The following TMEM250 variants were observed in gnomAD, a reference collection of about 807,000 sequenced individuals.
The protein encoded by TMEM250 is herpes virus UL25-binding protein.
Under a neutral mutation model 7.0 loss-of-function variants are expected in TMEM250, and 7 were observed. The observed-to-expected ratio is 1.00, with a 90% CI of 0.57 to 1.87. The LOEUF (loss-of-function observed/expected upper bound fraction) is 1.87. TMEM250 is among the 40% of genes most tolerant of loss of function. TMEM250 has a pLI of 0.00. For synonymous variants in TMEM250, 135 were observed against 96.7 expected, an observed-to-expected ratio of 1.40 and a Z score of -2.32; for missense variants, 196 against 202.5, an observed-to-expected ratio of 0.97 and a Z score of 0.19.
rs934309124 is a variant in TMEM250 at position 136,116,017 on chromosome 9, C to A, written c.*464G>T. 13 of 408,952 alleles carry A rather than the reference C, an allele frequency of 3.2e-5. No homozygotes were observed. In the Admixed American group the frequency reaches 5.0e-4, roughly 16 times the overall value. The allele number at this position is 408,952 out of a possible 1,614,324, so 25.3% of individuals were successfully genotyped here. On this transcript the variant is annotated 3_prime_UTR_variant, in exon 2 of 2. Transcript: ENST00000418388. The stretch of plus-strand genomic sequence containing the variant: ...TGGTGTGTCAGCGAGGGGAGCCTTC[C>A]GTGTCCCGTTGGCTGGGGCTGGGGC...
chr9:136,116,136 T>G lies in TMEM250; in HGVS notation c.*345A>C. ...CTCTGTGTCCAGGGGCCTCCCAGGG[T>G]GATGTCTAAAGTCCCTGGCAGCTGT... On this transcript the variant is annotated 3_prime_UTR_variant, in exon 2 of 2. Coordinates refer to ENST00000418388, the MANE Select transcript of TMEM250 (RefSeq NM_152833.3). 1 of 448,694 alleles carries G rather than the reference T, an allele frequency of 2.2e-6. No individual in the cohort carries two copies. The highest frequency in any genetic ancestry group is 3.9e-6 in the Non-Finnish European group (1 of 255,890). The allele number at this position is 448,694 out of a possible 1,614,324, so 27.8% of individuals were successfully genotyped here.
In TMEM250 at chr9:136,115,869, C is replaced by T. The variant is rs1830691081; in HGVS notation, c.*612G>A. 5.4e-6 allele frequency: 2 copies of T among 367,422 alleles called. No individual in the cohort carries two copies. The highest frequency in any genetic ancestry group is 2.9e-4 in the South Asian group (2 of 6,786). 22.8% of individuals were successfully genotyped at this position (367,422 alleles called of 1,614,324 possible). A position where few individuals can be genotyped will look rare whatever the true frequency, so the allele number is the denominator to read the frequency against. ...ACTGCATCTACACAATCCAAGGGGA[C>T]CCTGAAGGCTGGCTGGGGACTCAGG... On this transcript the variant is annotated 3_prime_UTR_variant, in exon 2 of 2. Coordinates refer to ENST00000418388, the MANE Select transcript of TMEM250 (RefSeq NM_152833.3).
At position 136,116,886 on chromosome 9, in the gene TMEM250, G is replaced by A. The variant is rs1393028947; in HGVS notation, c.15C>T (p.Pro5=). The A allele has an allele frequency of 1.3e-6, 2 of 1,564,784 alleles. No individual in the cohort carries two copies. The highest frequency in any genetic ancestry group is 1.7e-6 in the Non-Finnish European group (2 of 1,158,508). Residue 5 remains proline (P), a synonymous_variant, in exon 2 of 2, where the codon CCC becomes CCT. Coordinates refer to ENST00000418388, the MANE Select transcript of TMEM250 (RefSeq NM_152833.3). MPVM[P]IPRRVRSFHG... ...GGAAGGAGCGCACCCGCCGCGGAAT[G>A]GGCATGACCGGCATTGGGCCCCGGC...
In TMEM250 at chr9:136,116,294, G is replaced by T; in HGVS notation, c.*187C>A. The T allele has an allele frequency of 1.6e-6, 2 of 1,287,958 alleles. No individual in the cohort carries two copies. The highest frequency in any genetic ancestry group is 2.6e-5 in the East Asian group (1 of 38,870). The allele number at this position is 1,287,958 out of a possible 1,614,324, so 79.8% of individuals were successfully genotyped here. On this transcript the variant is annotated 3_prime_UTR_variant, in exon 2 of 2. Transcript: ENST00000418388. ...GTGCATACGGGGAGGGTGGGTCCAG[G>T]AAGCCAGCCTAGGGGTGGTGTCCGC...
intron 1 of TMEM250, 25 bp from the exon 2 acceptor site, chr9:136,117,049 CGTCA>C (rs1830722183): frequency 7.7e-7 from 1 of 1,297,928 alleles, no homozygotes. Flanking sequence ...GCAAAACCCA[CGTCA>C]GTATGAGGAC....
chr9:136,117,295 C>T (rs982748840), intron 1 of TMEM250, among the ~76,000 whole-genome samples: 3 of 152,206 alleles, frequency 2.0e-5, no homozygotes, highest in Admixed American at 1.3e-4. Flanking sequence ...AGGGGAGGCC[C>T]CCGGAAGTGG....
In TMEM250 at chr9:136,116,208, C is replaced by T. The variant is rs1830697385; in HGVS notation, c.*273G>A. The stretch of plus-strand genomic sequence containing the variant: ...GAGAGGCGGAACGGAGGGCCCACCC[C>T]GCAGTACGACCCGAAGACATGTGAG... On this transcript the variant is annotated 3_prime_UTR_variant, in exon 2 of 2. Transcript: ENST00000418388. 3 of 569,110 alleles carry T rather than the reference C, an allele frequency of 5.3e-6. No homozygotes were observed. The highest frequency in any genetic ancestry group is 3.0e-5 in the East Asian group (1 of 32,844). 35.3% of individuals were successfully genotyped at this position (569,110 alleles called of 1,614,324 possible). A position where few individuals can be genotyped will look rare whatever the true frequency, so the allele number is the denominator to read the frequency against.
Position 136,117,019 on chromosome 9 carries a change from G to A in TMEM250, c.-119C>T, listed in dbSNP as rs527743429. On this transcript the variant is annotated 5_prime_UTR_variant, in exon 2 of 2. The change creates a new upstream start codon in the 5' untranslated region. Transcript: ENST00000418388. ...CCCGCAGCTGACCCTGGGGGGAGGC[G>A]TCGGCCTGCGGGGAGAGCCGCAAAA... 11 of 1,346,040 alleles carry A rather than the reference G, an allele frequency of 8.2e-6. No individual in the cohort carries two copies. The Admixed American group carries it at 3.1e-4, about 38-fold the overall frequency. 83.4% of individuals were successfully genotyped at this position (1,346,040 alleles called of 1,614,324 possible).
rs750739917 is a variant in TMEM250, at chr9:136,116,876, G to A, written c.25C>T (p.Arg9Trp). Residue 9 changes from arginine to tryptophan, a missense_variant, in exon 2 of 2, where the codon CGG becomes TGG. Arg to Trp is a moderately radical substitution (Grantham distance 101). Coordinates refer to ENST00000418388, the MANE Select transcript of TMEM250 (RefSeq NM_152833.3). MPVMPIPR[R>W]VRSFHGPHTT... The stretch of plus-strand genomic sequence containing the variant: ...TGCGGGCCGTGGAAGGAGCGCACCC[G>A]CCGCGGAATGGGCATGACCGGCATT... 3 of 1,574,310 alleles carry A rather than the reference G, an allele frequency of 1.9e-6. No individual in the cohort carries two copies. In the Admixed American group the frequency reaches 5.6e-5, roughly 29 times the overall value.
Position 136,118,624 on chromosome 9 carries a change from G to C in TMEM250, c.-264C>G, listed in dbSNP as rs896607861. On this transcript the variant is annotated 5_prime_UTR_variant, in exon 1 of 2. Transcript: ENST00000418388. Reference sequence around the variant, plus strand: ...GCATGGTGCTGGGGCGCGCGGCTGGGGGCGCTGGCAAGGCGGCTGAGGGCG... The same window carrying C: ...GCATGGTGCTGGGGCGCGCGGCTGGCGGCGCTGGCAAGGCGGCTGAGGGCG... The C allele has an allele frequency of 1.3e-5, 2 of 151,852 alleles. No individual in the cohort carries two copies. Among genetic ancestry groups the C allele is most frequent in the African/African-American group, 4.9e-5 (2 of 41,078 alleles). The allele number at this position is 151,852 out of a possible 1,614,324, so 9.4% of individuals were successfully genotyped here.
rs1025778724 is a variant in TMEM250 at position 136,115,014 on chromosome 9, G to C, written c.*1467C>G. On this transcript the variant is annotated 3_prime_UTR_variant, in exon 2 of 2. Coordinates refer to ENST00000418388, the MANE Select transcript of TMEM250 (RefSeq NM_152833.3). ...TTTTTTGCTTTCTCTACCTGATTTA[G>C]GGTTTTTCAAAAAGTTTCTCTTCCA... 3.9e-5 allele frequency: 6 copies of C among 152,222 alleles called. No homozygotes were observed. Among genetic ancestry groups the C allele is most frequent in the Non-Finnish European group, 7.3e-5 (5 of 68,036 alleles). 9.4% of individuals were successfully genotyped at this position (152,222 alleles called of 1,614,324 possible).
At position 136,116,674 on chromosome 9, in the gene TMEM250, A is replaced by T. The variant is rs376583975; in HGVS notation, c.227T>A (p.Leu76His). The change falls in exon 2 of 2, where the codon CTC becomes CAC. Residue 76 changes from leucine (L) to histidine (H), a missense_variant. Transcript: ENST00000418388. ...TAALWGALAA[L>H]FCLQYLGVRV... ...AACGCCCAGGTACTGTAGGCAGAAG[A>T]GGGCGGCCAGCGCACCCCAGAGCGC... 3.1e-5 allele frequency: 50 copies of T among 1,612,052 alleles called. No individual in the cohort carries two copies. The highest frequency in any genetic ancestry group is 3.9e-5 in the Non-Finnish European group (46 of 1,179,730).
chr9:136,118,082 C>T (rs2131219424), intron 1 of TMEM250: 1 of 152,388 alleles, frequency 6.6e-6, no homozygotes, highest in Admixed American at 6.5e-5. Context: ...CTCGCCCTCT[C>T]CCTCCGCCCG....
rs942772579 is a variant in TMEM250, at chr9:136,115,254, C to G, written c.*1227G>C. ...CCTCCCACTTGCCCCCAAAGTCACACGGCCATGGGCAGTCCACCATAGTGC... is the reference window on the plus strand; with the variant it reads ...CCTCCCACTTGCCCCCAAAGTCACAGGGCCATGGGCAGTCCACCATAGTGC... On this transcript the variant is annotated 3_prime_UTR_variant, in exon 2 of 2. Transcript: ENST00000418388. The G allele has an allele frequency of 6.6e-6, 1 of 152,316 alleles. No individual in the cohort carries two copies. 9.4% of individuals were successfully genotyped at this position (152,316 alleles called of 1,614,324 possible). A position where few individuals can be genotyped will look rare whatever the true frequency, so the allele number is the denominator to read the frequency against.
Position 136,116,597 on chromosome 9 carries a change from C to CCAGCAGCAG in TMEM250, c.295_303dup (p.Leu99_Leu101dup), listed in dbSNP as rs747929186. On this transcript the variant is annotated inframe_insertion, in exon 2 of 2. Transcript: ENST00000418388. ...AGGCGGAAGTCCACGCGCCGGCGGC[C>CCAGCAGCAG]CAGCAGCAGCAGCAGCACCGACAGC... 1 of 1,603,420 alleles carries CCAGCAGCAG rather than the reference C, an allele frequency of 6.2e-7. No homozygotes were observed. Among genetic ancestry groups the CCAGCAGCAG allele is most frequent in the Non-Finnish European group, 8.5e-7 (1 of 1,178,726 alleles).
chr9:136,116,587 C>T lies in TMEM250; in HGVS notation c.314G>A (p.Arg105His). ...SVLLLLLGRRRVDFRLVNELL... is the reference protein window; with the variant it reads ...SVLLLLLGRRHVDFRLVNELL... ...CTCGTTCACCAGGCGGAAGTCCACG[C>T]GCCGGCGGCCCAGCAGCAGCAGCAG... The change falls in exon 2 of 2, where the codon CGC becomes CAC. Residue 105 changes from arginine (R) to histidine (H), a missense_variant. Arg to His is a conservative substitution (Grantham distance 29, BLOSUM62 0). Transcript: ENST00000418388. 8.1e-6 allele frequency: 13 copies of T among 1,602,270 alleles called. No homozygotes were observed. Among genetic ancestry groups the T allele is most frequent in the Non-Finnish European group, 9.3e-6 (11 of 1,179,560 alleles).
Position 136,116,516 on chromosome 9 carries a change from G to C in TMEM250, c.385C>G (p.Leu129Val), listed in dbSNP as rs1430222673. The C allele has an allele frequency of 6.3e-7, 1 of 1,576,146 alleles. No homozygotes were observed. The highest frequency in any genetic ancestry group is 8.6e-7 in the Non-Finnish European group (1 of 1,169,136). ...ACGAAGACCATGAAGCACCAGCCCA[G>C]GCCCCCGACCAGCAGCATGGTGACG... ...IHVTMLLVGG[L>V]GWCFMVFVDM is the part of the protein sequence containing the mutation. The change falls in exon 2 of 2, where the codon CTG becomes GTG. Residue 129 changes from leucine to valine, a missense_variant. By Grantham distance (32) the Leu-to-Val change is conservative. Transcript: ENST00000418388.
chr9:136,114,850 A>T lies in TMEM250; in HGVS notation c.*1631T>A, dbSNP rs889914877. 3 of 152,276 alleles carry T rather than the reference A, an allele frequency of 2.0e-5. No individual in the cohort carries two copies. Among genetic ancestry groups the T allele is most frequent in the African/African-American group, 7.2e-5 (3 of 41,470 alleles). 9.4% of individuals were successfully genotyped at this position (152,276 alleles called of 1,614,324 possible). A position where few individuals can be genotyped will look rare whatever the true frequency, so the allele number is the denominator to read the frequency against. Reference sequence around the variant, plus strand: ...AGGAAACAGCATGACTTAGTGCAAAAGATTCTCTGCAGCAAGAAATGAGGC... The same window carrying T: ...AGGAAACAGCATGACTTAGTGCAAATGATTCTCTGCAGCAAGAAATGAGGC... On this transcript the variant is annotated 3_prime_UTR_variant, in exon 2 of 2. Coordinates refer to ENST00000418388, the MANE Select transcript of TMEM250 (RefSeq NM_152833.3).
rs1830674625 is a variant in TMEM250 at position 136,115,006 on chromosome 9, CTGAT to C, written c.*1471_*1474del. 1 of 152,216 alleles carries C rather than the reference CTGAT, an allele frequency of 6.6e-6. No individual in the cohort carries two copies. The highest frequency in any genetic ancestry group is 2.4e-5 in the African/African-American group (1 of 41,434). The allele number at this position is 152,216 out of a possible 1,614,324, so 9.4% of individuals were successfully genotyped here. ...GCCAGAGATTTTTTGCTTTCTCTAC[CTGAT>C]TTAGGGTTTTTCAAAAAGTTTCTCT... On this transcript the variant is annotated 3_prime_UTR_variant, in exon 2 of 2. Transcript: ENST00000418388.
Sources: gnomAD v4.1 joint callset for allele counts (sites outside exome capture counted in the v4.1 genomes callset) on GRCh38, gnomAD v4.1.1 for gene constraint, MANE v1.5 for transcripts, NCBI Gene and HGNC (gene_info 2026-07-23, HGNC 2026-07-21) for gene names.